Variants in PATJ observed in about 807,000 individuals in gnomAD.
PATJ encodes PATJ crumbs cell polarity complex component, also known as inaD-like protein.
A neutral mutation model predicts 224.9 loss-of-function variants in PATJ; 190 were observed. The ratio of observed to expected loss-of-function variants is 0.84; its 90% CI spans 0.75 to 0.95. The LOEUF (loss-of-function observed/expected upper bound fraction) is 0.95. PATJ is among the 40% of genes least tolerant of loss of function. PATJ has a pLI of 0.00. For synonymous variants in PATJ, 769 were observed against 820.3 expected, an observed-to-expected ratio of 0.94 and a Z score of 1.07; for missense variants, 2,121 against 2,270.3, an observed-to-expected ratio of 0.93 and a Z score of 1.34.
intron 14 of PATJ, among the ~76,000 whole-genome samples, chr1:61,811,845 AG>A: frequency 6.6e-6 from 1 of 151,278 alleles, no homozygotes; most frequent in Middle Eastern, 3.4e-3. Flanking sequence ...GTGGATCACG[AG>A]GTCAGGAGAT....
chr1:62,108,604 C>T (rs1256110269), intron 34 of PATJ, 84 bp downstream of exon 34: 5 of 716,570 alleles, frequency 7.0e-6, no homozygotes, highest in South Asian at 4.5e-5. Flanking sequence ...TTCTACTCAA[C>T]TGTATTTTCA....
At chr1:61,902,200 A>G (rs1671272069) in intron 24 of PATJ, among the ~76,000 whole-genome samples, 1 of 149,786 alleles carries the variant, frequency 6.7e-6, no homozygotes, top group Non-Finnish European at 1.5e-5. Flanking sequence ...CCTGGGTGAC[A>G]GAACGACACT....
At position 61,823,631 on chromosome 1, in the gene PATJ, G is replaced by A. The variant is rs183433967; in HGVS notation, c.1818+552G>A. 1.2e-3 allele frequency among the ~76,000 whole-genome samples: 176 copies of A among 152,318 alleles called. 3 individuals carry two copies. The highest frequency in any genetic ancestry group is 6.3e-4 in the Non-Finnish European group (43 of 68,012). On this transcript the variant is annotated intron_variant, in intron 15 of 43. Transcript: ENST00000642238. Reference sequence around the variant, plus strand: ...TCACACAAAAAGACTGCATAGAAGAGGGTTCTCCCAAGTGTTAGGATACAC... The same window carrying A: ...TCACACAAAAAGACTGCATAGAAGAAGGTTCTCCCAAGTGTTAGGATACAC...
intron 27 of PATJ, among the ~76,000 whole-genome samples, chr1:61,971,145 A>G (rs1214128956): frequency 6.6e-6 from 1 of 152,158 alleles, no homozygotes; most frequent in East Asian, 1.9e-4. Flanking sequence ...CATTTAACTC[A>G]TTGACCAGTC....
Position 62,117,947 on chromosome 1 carries a change from T to C in PATJ, c.4890+729T>C, listed in dbSNP as rs184239873. 5.9e-3 allele frequency among the ~76,000 whole-genome samples: 906 copies of C among 152,302 alleles called. 30 individuals are homozygous for C. Among genetic ancestry groups the C allele is most frequent in the Admixed American group, 0.055 (835 of 15,282 alleles). On this transcript the variant is annotated intron_variant, in intron 37 of 43. Coordinates refer to ENST00000642238, the MANE Select transcript of PATJ (RefSeq NM_001350145.3). ...GTTTTGAGGTTAAAAGCATGACTTT[T>C]GGTCCCCTCCCTGGTTGCCTTATTT...
chr1:62,119,821 G>A (rs1664851049), intron 37 of PATJ, among the ~76,000 whole-genome samples: 1 of 152,126 alleles, frequency 6.6e-6, no homozygotes, highest in Non-Finnish European at 1.5e-5. Context: ...GTGGGCTCCT[G>A]TAACCCCAGC....
chr1:61,992,043 A>G (rs1645092797), intron 28 of PATJ, among the ~76,000 whole-genome samples: 1 of 152,084 alleles, frequency 6.6e-6, no homozygotes, highest in East Asian at 1.9e-4. Flanking sequence ...ATAAGTGTGG[A>G]TAAGAACTCA....
intron 8 of PATJ, among the ~76,000 whole-genome samples, chr1:61,790,887 C>G (rs1649709035): frequency 6.6e-6 from 1 of 152,146 alleles, no homozygotes; most frequent in Admixed American, 6.5e-5. Context: ...GCCCTGGGGA[C>G]AGCCCATACC....
chr1:62,103,653 A>G (rs1662508793), intron 33 of PATJ, among the ~76,000 whole-genome samples: 2 of 152,062 alleles, frequency 1.3e-5, no homozygotes, highest in South Asian at 4.2e-4. Context: ...ACATGGGAGA[A>G]CAAGGCAGAA....
chr1:61,797,335 G>C lies in PATJ; in HGVS notation c.1309G>C (p.Val437Leu), dbSNP rs763566778. 1 of 1,613,964 alleles carries C rather than the reference G, an allele frequency of 6.2e-7. No individual in the cohort carries two copies. Among genetic ancestry groups the C allele is most frequent in the Non-Finnish European group, 8.5e-7 (1 of 1,179,916 alleles). Reference sequence around the variant, plus strand: ...TTTTGCCAACCATGATGTTGTTGAAGTATTACGAAATGCAGGGCAGGTGGT... The same window carrying C: ...TTTTGCCAACCATGATGTTGTTGAACTATTACGAAATGCAGGGCAGGTGGT... ...QGFANHDVVE[V>L]LRNAGQVVHL... is the part of the protein sequence containing the mutation. The change falls in exon 11 of 44, where the codon GTA becomes CTA. Residue 437 changes from valine to leucine, a missense_variant. Transcript: ENST00000642238.
At chr1:62,124,223 C>G (rs1468264418) in intron 39 of PATJ, among the ~76,000 whole-genome samples, 4 of 152,102 alleles carry the variant, frequency 2.6e-5, no homozygotes, top group African/African-American at 9.7e-5. Context: ...GCTGAGACTA[C>G]AGGCACACAC....
intron 9 of PATJ, among the ~76,000 whole-genome samples, chr1:61,791,980 A>G (rs1019309807): frequency 6.6e-6 from 1 of 152,218 alleles, no homozygotes; most frequent in Admixed American, 6.5e-5. Flanking sequence ...GGTAACTTTC[A>G]CTATAAGATT....
chr1:62,064,740 G>A (rs896083589), intron 31 of PATJ, among the ~76,000 whole-genome samples: 2 of 152,202 alleles, frequency 1.3e-5, no homozygotes, highest in African/African-American at 4.8e-5. Context: ...ATTCCCAGGT[G>A]TTATATCCTA....
intron 15 of PATJ, among the ~76,000 whole-genome samples, chr1:61,825,689 G>C (rs1159291308): frequency 6.6e-6 from 1 of 152,098 alleles, no homozygotes; most frequent in Non-Finnish European, 1.5e-5. Flanking sequence ...AGAGCAGTGA[G>C]GAGGACTACC....
intron 31 of PATJ, chr1:62,072,497 C>G (rs1657592171): frequency 6.6e-6 from 1 of 152,040 alleles, no homozygotes; most frequent in African/African-American, 2.4e-5. Context: ...GAGGCTGAGA[C>G]AGGAGGATCA....
Position 61,787,734 on chromosome 1 carries a change from A to C in PATJ, c.850-20A>C, listed in dbSNP as rs752537936. The C allele has an allele frequency of 4.5e-6, 7 of 1,570,790 alleles. No homozygotes were observed. Among genetic ancestry groups the C allele is most frequent in the Admixed American group, 1.7e-5 (1 of 59,738 alleles). On this transcript the variant is annotated intron_variant, in intron 7 of 43. Transcript: ENST00000642238. ...GTTACAGCATTTATTTCTCAAAATAATTTTGTCTTTTTCTTGAAGGATGGA... is the reference window on the plus strand; with the variant it reads ...GTTACAGCATTTATTTCTCAAAATACTTTTGTCTTTTTCTTGAAGGATGGA...
At chr1:62,126,805 G>A (rs1665764497) in intron 39 of PATJ, among the ~76,000 whole-genome samples, 1 of 152,086 alleles carries the variant, frequency 6.6e-6, no homozygotes, top group Admixed American at 6.6e-5. Flanking sequence ...CATCGGAATT[G>A]GCCACTAAAC....
chr1:61,757,304 T>A (rs1347846698), intron 1 of PATJ, among the ~76,000 whole-genome samples: 3 of 152,216 alleles, frequency 2.0e-5, no homozygotes, highest in African/African-American at 7.2e-5. Flanking sequence ...AATCCTGGGC[T>A]CAAGCAATTC....
intron 27 of PATJ, among the ~76,000 whole-genome samples, chr1:61,976,326 T>C (rs11810455): frequency 0.24 from 35,782 of 151,818 alleles, 4,744 homozygotes; most frequent in African/African-American, 0.34. Context: ...GCAAGTTCCA[T>C]AACCTCCACT....
Sources: allele counts gnomAD v4.1 joint callset (sites outside exome capture counted in the v4.1 genomes callset), GRCh38; gene constraint gnomAD v4.1.1; transcripts MANE v1.5; gene names NCBI Gene and HGNC (gene_info 2026-07-23, HGNC 2026-07-21).